Variants in MMP26 observed in about 807,000 individuals in gnomAD.
MMP26 encodes the protein matrix metallopeptidase 26.
A neutral mutation model predicts 31.0 loss-of-function variants in MMP26; 33 were observed. The observed-to-expected ratio is 1.06, with a 90% CI of 0.81 to 1.42. MMP26 has a LOEUF of 1.42. MMP26 is among the 40% of genes most tolerant of loss of function. MMP26 has a pLI of 0.00. For missense variants in MMP26, 347 were observed against 316.1 expected (o/e 1.10, Z -0.74); for synonymous variants, 122 against 114.9 (o/e 1.06, Z -0.40).
intron 2 of MMP26, among the ~76,000 whole-genome samples, chr11:4,885,549 T>A (rs150825354): frequency 6.6e-6 from 1 of 152,258 alleles, no homozygotes; most frequent in Non-Finnish European, 1.5e-5. Flanking sequence ...AGCAATAGGC[T>A]ATATCATAGG....
chr11:4,828,386 T>C (rs1849605601), intron 2 of MMP26, among the ~76,000 whole-genome samples: 1 of 152,194 alleles, frequency 6.6e-6, no homozygotes, highest in African/African-American at 2.4e-5. Flanking sequence ...GCAATGCATC[T>C]ATTTTGGTCA....
At chr11:4,981,664 C>G (rs747090813) in intron 2 of MMP26, among the ~76,000 whole-genome samples, 5 of 151,938 alleles carry the variant, frequency 3.3e-5, no homozygotes, top group Non-Finnish European at 4.4e-5. Context: ...ATAAATTAAC[C>G]TATCTTCTTA....
intron 2 of MMP26, among the ~76,000 whole-genome samples, chr11:4,874,267 G>T (rs1850350021): frequency 6.6e-6 from 1 of 152,076 alleles, no homozygotes; most frequent in Admixed American, 6.6e-5. Context: ...AAATGCATAT[G>T]TCTAGGGGCT....
intron 2 of MMP26, among the ~76,000 whole-genome samples, chr11:4,906,173 A>G (rs1277402325): frequency 1.3e-5 from 2 of 152,196 alleles, no homozygotes; most frequent in South Asian, 2.1e-4. Flanking sequence ...TAATACATGA[A>G]TATGTACGTG....
At chr11:4,779,415 G>A (rs1418104212) in intron 2 of MMP26, among the ~76,000 whole-genome samples, 2 of 151,856 alleles carry the variant, frequency 1.3e-5, no homozygotes, top group Admixed American at 1.3e-4. Flanking sequence ...TGAAAGTTTT[G>A]CCTCTAAGTT....
chr11:4,729,398 C>G (rs2133282339), intron 1 of MMP26, among the ~76,000 whole-genome samples: 1 of 152,224 alleles, frequency 6.6e-6, no homozygotes, highest in South Asian at 2.1e-4. Context: ...CTGTGACACC[C>G]TGACAGAAGG....
chr11:4,812,215 T>C (rs748020760), intron 2 of MMP26, among the ~76,000 whole-genome samples: 1 of 152,100 alleles, frequency 6.6e-6, no homozygotes, highest in East Asian at 1.9e-4. Flanking sequence ...TGTAGAAATA[T>C]GTTGGTGTGT....
At chr11:4,925,577 G>T (rs1046390647) in intron 2 of MMP26, among the ~76,000 whole-genome samples, 1 of 152,022 alleles carries the variant, frequency 6.6e-6, no homozygotes, top group Non-Finnish European at 1.5e-5. Context: ...ATGCACCGTG[G>T]GTATGGAGAA....
intron 2 of MMP26, among the ~76,000 whole-genome samples, chr11:4,809,334 C>T (rs1010628381): frequency 3.3e-5 from 5 of 152,146 alleles, no homozygotes; most frequent in Non-Finnish European, 7.3e-5. Context: ...TGTAAAACCT[C>T]CATGTAGGGT....
chr11:4,976,211 C>G (rs779382071), intron 2 of MMP26, among the ~76,000 whole-genome samples: 1 of 151,906 alleles, frequency 6.6e-6, no homozygotes, highest in African/African-American at 2.4e-5. Context: ...GTTGAAGTAA[C>G]AGATACAGAA....
chr11:4,943,614 C>T (rs1846249412), intron 2 of MMP26: 1 of 383,542 alleles, frequency 2.6e-6, no homozygotes, highest in Admixed American at 3.0e-5. Context: ...GTGACACACC[C>T]ACACCCCCAG....
intron 1 of MMP26, among the ~76,000 whole-genome samples, chr11:4,742,235 T>A (rs1848324123): frequency 6.6e-6 from 1 of 152,150 alleles, no homozygotes; most frequent in Admixed American, 6.6e-5. Flanking sequence ...CACAACAAAG[T>A]CCCTGACCTC....
At chr11:4,774,988 T>G (rs1848772108) in intron 2 of MMP26, among the ~76,000 whole-genome samples, 1 of 152,222 alleles carries the variant, frequency 6.6e-6, no homozygotes, top group African/African-American at 2.4e-5. Flanking sequence ...TTGGTCTATG[T>G]GTCTGTTTTT....
intron 2 of MMP26, among the ~76,000 whole-genome samples, chr11:4,926,361 A>G (rs995492904): frequency 6.6e-6 from 1 of 152,222 alleles, no homozygotes; most frequent in African/African-American, 2.4e-5. Flanking sequence ...TGAGCAGTTT[A>G]GGCAGTGATG....
At chr11:4,972,586 A>T (rs1173519137) in intron 2 of MMP26, among the ~76,000 whole-genome samples, 2 of 152,174 alleles carry the variant, frequency 1.3e-5, no homozygotes, top group Non-Finnish European at 2.9e-5. Flanking sequence ...TTAAATAAAG[A>T]GGTAGTCTTT....
intron 2 of MMP26, among the ~76,000 whole-genome samples, chr11:4,969,812 A>T (rs7130368): frequency 0.19 from 28,520 of 152,016 alleles, 2,851 homozygotes; most frequent in South Asian, 0.23. Context: ...CAGAAGATAC[A>T]AGGGTTTTTA....
chr11:4,879,188 C>T (rs1214267168), intron 2 of MMP26, among the ~76,000 whole-genome samples: 6 of 152,016 alleles, frequency 3.9e-5, no homozygotes, highest in Admixed American at 2.0e-4. Flanking sequence ...GACACGATAT[C>T]GTGCCACTGC....
chr11:4,723,412 T>G (rs1848047489), intron 1 of MMP26: 2 of 984,786 alleles, frequency 2.0e-6, no homozygotes, highest in East Asian at 4.8e-5. Flanking sequence ...AGCGATAGTG[T>G]TGTCCATGTC....
At chr11:4,735,300 G>T (rs1441870621) in intron 1 of MMP26, among the ~76,000 whole-genome samples, 1 of 152,144 alleles carries the variant, frequency 6.6e-6, no homozygotes, top group African/African-American at 2.4e-5. Flanking sequence ...AAATGGTTAT[G>T]TCTATATCAC....
Sources: gnomAD v4.1 joint callset for allele counts (sites outside exome capture counted in the v4.1 genomes callset) on GRCh38, gnomAD v4.1.1 for gene constraint, MANE v1.5 for transcripts, NCBI Gene and HGNC (gene_info 2026-07-23, HGNC 2026-07-21) for gene names.